Variants in SNX29 observed in about 807,000 individuals in gnomAD.
SNX29 encodes the protein sorting nexin-29.
SNX29 carries 78 observed loss-of-function variants against 102.1 expected under a neutral mutation model. That is an observed-to-expected ratio of 0.76 (90% CI 0.64 to 0.92). The LOEUF (loss-of-function observed/expected upper bound fraction) is 0.92, where lower values mean the gene tolerates loss of function less well. Among genes scored for constraint, SNX29 ranks in the 40% least tolerant of loss-of-function variants. The pLI is 0.00. For missense variants in SNX29, 1,280 were observed against 1,061.7 expected (o/e 1.21, Z -2.86); for synonymous variants, 580 against 414.5 (o/e 1.40, Z -4.85).
At chr16:12,189,548 A>G (rs1008660042) in intron 13 of SNX29, among the ~76,000 whole-genome samples, 31 of 152,106 alleles carry the variant, frequency 2.0e-4, no homozygotes, top group African/African-American at 7.2e-4. Context: ...CATGGCTTCA[A>G]TTTGTTCCAT....
intron 11 of SNX29, among the ~76,000 whole-genome samples, chr16:12,126,402 C>T (rs775050177): frequency 6.6e-6 from 1 of 152,206 alleles, no homozygotes; most frequent in Admixed American, 6.5e-5. Context: ...CTAACTTGCC[C>T]GAGCTGCAGA....
At chr16:11,981,636 G>C (rs1395054083) in intron 1 of SNX29, among the ~76,000 whole-genome samples, 1 of 152,054 alleles carries the variant, frequency 6.6e-6, no homozygotes, top group Non-Finnish European at 1.5e-5. Flanking sequence ...GTATTTTTGA[G>C]TTGAAAATAT....
At chr16:12,149,817 G>C (rs898576870) in intron 13 of SNX29, among the ~76,000 whole-genome samples, 1 of 152,172 alleles carries the variant, frequency 6.6e-6, no homozygotes, top group African/African-American at 2.4e-5. Flanking sequence ...ATCTTTACCA[G>C]CCTCAGTCAA....
chr16:12,385,606 G>A (rs1597182658), intron 16 of SNX29, among the ~76,000 whole-genome samples: 1 of 152,182 alleles, frequency 6.6e-6, no homozygotes, highest in Non-Finnish European at 1.5e-5. Context: ...GCTTGAGGGG[G>A]CTGTAGTTAC....
chr16:12,406,191 A>G (rs2084158548), intron 18 of SNX29, among the ~76,000 whole-genome samples: 1 of 152,240 alleles, frequency 6.6e-6, no homozygotes, highest in Non-Finnish European at 1.5e-5. Flanking sequence ...CGGAAAGCAT[A>G]TATATGTGTC....
chr16:12,548,767 T>TC (rs536255911), intron 20 of SNX29, among the ~76,000 whole-genome samples: 1 of 152,216 alleles, frequency 6.6e-6, no homozygotes, highest in East Asian at 1.9e-4. Flanking sequence ...TCATCTCTCA[T>TC]CCCCCAGCCA....
chr16:12,013,501 AT>A (rs781446444), intron 3 of SNX29, among the ~76,000 whole-genome samples: 10,185 of 40,614 alleles, frequency 0.25, 2,427 homozygotes, highest in East Asian at 0.34. Context: ...AAAAAAAAAA[AT>A]ATATATATAT....
intron 18 of SNX29, among the ~76,000 whole-genome samples, chr16:12,439,014 C>G (rs371743406): frequency 6.6e-6 from 1 of 152,208 alleles, no homozygotes; most frequent in Non-Finnish European, 1.5e-5. Flanking sequence ...TGTCTTCCAT[C>G]GTGGTTGCAC....
At chr16:12,409,674 C>T (rs2084316061) in intron 18 of SNX29, among the ~76,000 whole-genome samples, 1 of 152,070 alleles carries the variant, frequency 6.6e-6, no homozygotes. Flanking sequence ...GTCTTAATAT[C>T]CCACTCAAGT....
Position 12,522,923 on chromosome 16 carries a change from G to C in SNX29, c.2179-1779G>C, listed in dbSNP as rs1198824289. On this transcript the variant is annotated intron_variant, in intron 19 of 20. Coordinates refer to ENST00000566228, the MANE Select transcript of SNX29 (RefSeq NM_032167.5). ...CCTCTCGGGCTTAAGCAGTCCTCCT[G>C]CTGCAGCCACCCATGTAGCTGGGAC... 3.3e-5 allele frequency among the ~76,000 whole-genome samples: 5 copies of C among 152,208 alleles called. No homozygotes were observed. In the East Asian group the frequency reaches 9.6e-4, roughly 29 times the overall value.
At chr16:12,420,823 T>C (rs761449160) in intron 18 of SNX29, among the ~76,000 whole-genome samples, 1 of 152,130 alleles carries the variant, frequency 6.6e-6, no homozygotes. Context: ...ACACTGATAG[T>C]CTCGCCCACA....
chr16:12,538,862 G>C (rs182827308), intron 20 of SNX29, among the ~76,000 whole-genome samples: 3 of 152,016 alleles, frequency 2.0e-5, no homozygotes, highest in Non-Finnish European at 2.9e-5. Context: ...CACAGAGAAC[G>C]GTAGATGGGG....
intron 13 of SNX29, among the ~76,000 whole-genome samples, chr16:12,167,793 G>T (rs576755385): frequency 6.6e-6 from 1 of 152,342 alleles, no homozygotes; most frequent in Non-Finnish European, 1.5e-5. Flanking sequence ...TACATCAGGG[G>T]TTGGCAAACT....
intron 19 of SNX29, among the ~76,000 whole-genome samples, chr16:12,484,418 G>C (rs2151842331): frequency 6.6e-6 from 1 of 152,288 alleles, no homozygotes; most frequent in African/African-American, 2.4e-5. Flanking sequence ...TTTCCACGCT[G>C]TAGCAAGAGT....
intron 16 of SNX29, among the ~76,000 whole-genome samples, chr16:12,389,688 A>T (rs1341561409): frequency 6.6e-6 from 1 of 152,216 alleles, no homozygotes; most frequent in Non-Finnish European, 1.5e-5. Context: ...CCTCCTTAGC[A>T]ACTCAGTAGG....
At chr16:12,216,987 C>G (rs2077341940) in intron 14 of SNX29, among the ~76,000 whole-genome samples, 3 of 152,106 alleles carry the variant, frequency 2.0e-5, no homozygotes, top group African/African-American at 7.2e-5. Context: ...GATTTTCTTG[C>G]TAAACACAAA....
intron 3 of SNX29, among the ~76,000 whole-genome samples, chr16:12,024,316 A>G (rs898601765): frequency 6.6e-6 from 1 of 151,592 alleles, no homozygotes; most frequent in Non-Finnish European, 1.5e-5. Context: ...TTTTATATAT[A>G]TATTTTTTTA....
At chr16:12,235,889 A>C (rs1054026200) in intron 14 of SNX29, among the ~76,000 whole-genome samples, 2 of 152,108 alleles carry the variant, frequency 1.3e-5, no homozygotes, top group Non-Finnish European at 2.9e-5. Context: ...TAGAAACCTT[A>C]GGAAACTGAA....
chr16:12,121,914 C>G (rs972589771), intron 11 of SNX29, among the ~76,000 whole-genome samples: 6 of 152,204 alleles, frequency 3.9e-5, no homozygotes, highest in African/African-American at 1.2e-4. Context: ...CTCCCGGGTT[C>G]AAGTGATTCT....
Sources: gnomAD v4.1 joint callset for allele counts (sites outside exome capture counted in the v4.1 genomes callset) on GRCh38, gnomAD v4.1.1 for gene constraint, MANE v1.5 for transcripts, NCBI Gene and HGNC (gene_info 2026-07-23, HGNC 2026-07-21) for gene names.